Variants in DCAF8L2 observed in about 807,000 individuals in gnomAD.
The protein encoded by DCAF8L2 is DDB1 and CUL4 associated factor 8 like 2, also known as DDB1- and CUL4-associated factor 8-like protein 2.
For synonymous variants in DCAF8L2, 200 were observed against 190.9 expected (o/e 1.05, Z -0.39); for missense variants, 430 against 490.7 (o/e 0.88, Z 1.17).
chrX:27,636,701 G>A (rs933662306), intron 2 of DCAF8L2, among the ~76,000 whole-genome samples: 4 of 111,550 alleles, frequency 3.6e-5, no homozygotes, highest in Non-Finnish European at 7.5e-5. Context: ...ATTACTAGTA[G>A]CTCAAAGAGT....
the DCAF8L2 span, among the ~76,000 whole-genome samples, chrX:27,552,800 A>G: frequency 3.6e-5 from 4 of 111,585 alleles, no homozygotes; most frequent in African/African-American, 9.8e-5. Context: ...TTTTAATTCT[A>G]TTTCTGTGAC....
At position 27,695,956 on chromosome X, in the gene DCAF8L2, A is replaced by C. The variant is rs141524145; in HGVS notation, c.-143+18044A>C. 4.0e-3 allele frequency among the ~76,000 whole-genome samples: 442 copies of C among 110,348 alleles called. 1 individual carries two copies. Among genetic ancestry groups the C allele is most frequent in the African/African-American group, 0.014 (419 of 30,326 alleles). The stretch of plus-strand genomic sequence containing the variant: ...CATCTGTAATCCCAGCACTTTTGGG[A>C]GGCCAAGGCAGACAGATCACTTGAA... On this transcript the variant is annotated intron_variant, in intron 3 of 4. Transcript: ENST00000451261.
At chrX:27,581,024 T>G in the DCAF8L2 span, among the ~76,000 whole-genome samples, 4 of 112,242 alleles carry the variant, frequency 3.6e-5, no homozygotes, top group African/African-American at 6.5e-5. Context: ...TAAAAATTCA[T>G]AAAACATTTT....
At chrX:27,496,528 C>T in the DCAF8L2 span, among the ~76,000 whole-genome samples, 4 of 111,551 alleles carry the variant, frequency 3.6e-5, no homozygotes, top group Non-Finnish European at 5.6e-5. Context: ...TGGCTTCTTT[C>T]GCTTGCATGT....
At chrX:27,533,170 G>GAAAGA in the DCAF8L2 span, among the ~76,000 whole-genome samples, 1 of 12,667 alleles carries the variant, frequency 7.9e-5, no homozygotes, top group African/African-American at 1.8e-4. Context: ...GAGAGAGAAA[G>GAAAGA]AAAGAAAGAA....
intron 1 of DCAF8L2, among the ~76,000 whole-genome samples, chrX:27,626,788 C>G (rs775605408): frequency 8.1e-5 from 9 of 111,384 alleles, no homozygotes; most frequent in Non-Finnish European, 1.3e-4. Flanking sequence ...TTCCTGCTAT[C>G]ATATAGGATT....
At chrX:27,519,047 A>C in the DCAF8L2 span, 1 of 1,020,878 alleles carries the variant, frequency 9.8e-7, no homozygotes, top group Non-Finnish European at 1.4e-6. Context: ...AGGAAGCCTG[A>C]TACTATTGAA....
intron 2 of DCAF8L2, among the ~76,000 whole-genome samples, chrX:27,646,621 C>T (rs1392171152): frequency 9.0e-6 from 1 of 111,146 alleles, no homozygotes; most frequent in Non-Finnish European, 1.9e-5. Context: ...AGTGAACAGA[C>T]AACTTACAGA....
At chrX:27,701,354 T>C (rs1931123558) in intron 3 of DCAF8L2, among the ~76,000 whole-genome samples, 2 of 111,192 alleles carry the variant, frequency 1.8e-5, no homozygotes, top group African/African-American at 6.5e-5. Flanking sequence ...TGTAAGACTT[T>C]AGCAATACTG....
chrX:27,517,269 C>T, the DCAF8L2 span, among the ~76,000 whole-genome samples: 1 of 111,547 alleles, frequency 9.0e-6, no homozygotes, highest in Non-Finnish European at 1.9e-5. Context: ...ATTTTAAACA[C>T]TGCCTGATCT....
At chrX:27,709,319 T>A (rs1161881882) in intron 3 of DCAF8L2, among the ~76,000 whole-genome samples, 3 of 112,886 alleles carry the variant, frequency 2.7e-5, no homozygotes, top group Non-Finnish European at 5.6e-5. Flanking sequence ...GTTTGTATTT[T>A]CCGTACATTT....
At chrX:27,683,229 C>T (rs1185506419) in intron 3 of DCAF8L2, among the ~76,000 whole-genome samples, 1 of 111,721 alleles carries the variant, frequency 9.0e-6, no homozygotes, top group Non-Finnish European at 1.9e-5. Context: ...CCGGTGGTCA[C>T]TGTTGAGAGC....
chrX:27,624,750 G>A (rs12015051), intron 1 of DCAF8L2, among the ~76,000 whole-genome samples: 6,186 of 111,208 alleles, frequency 0.056, 409 homozygotes, highest in African/African-American at 0.19. Context: ...AACAAGCAAC[G>A]GGGAAAGAGT....
At chrX:27,510,855 A>G in the DCAF8L2 span, among the ~76,000 whole-genome samples, 1 of 111,528 alleles carries the variant, frequency 9.0e-6, no homozygotes, top group Non-Finnish European at 1.9e-5. Context: ...AAAGCAAATT[A>G]TGTAAATAGG....
intron 4 of DCAF8L2, among the ~76,000 whole-genome samples, chrX:27,741,046 A>T (rs2147335622): frequency 8.9e-6 from 1 of 112,076 alleles, no homozygotes; most frequent in South Asian, 3.7e-4. Flanking sequence ...GAGAATGGAA[A>T]TATATAAAGT....
chrX:27,583,011 A>G, the DCAF8L2 span, among the ~76,000 whole-genome samples: 2 of 111,701 alleles, frequency 1.8e-5, no homozygotes, highest in Non-Finnish European at 3.8e-5. Context: ...TATTTTTAGT[A>G]TTCATTATTG....
the DCAF8L2 span, among the ~76,000 whole-genome samples, chrX:27,542,643 C>T: frequency 4.6e-4 from 45 of 98,030 alleles, 1 homozygote; most frequent in Admixed American, 3.0e-3. Context: ...CCCGGGTTCA[C>T]GCCATTCTCC....
At chrX:27,599,100 G>C (rs1199796472) in intron 1 of DCAF8L2, among the ~76,000 whole-genome samples, 2 of 109,438 alleles carry the variant, frequency 1.8e-5, no homozygotes, top group Non-Finnish European at 3.8e-5. Context: ...CAATACCCAA[G>C]ATGCGGAAAC....
At chrX:27,568,462 T>C in the DCAF8L2 span, among the ~76,000 whole-genome samples, 1 of 111,881 alleles carries the variant, frequency 8.9e-6, no homozygotes, top group South Asian at 3.7e-4. Flanking sequence ...TTATCTAAAT[T>C]AGTAAGTCAT....
Sources: allele counts gnomAD v4.1 joint callset (sites outside exome capture counted in the v4.1 genomes callset), GRCh38; gene constraint gnomAD v4.1.1; transcripts MANE v1.5; gene names NCBI Gene and HGNC (gene_info 2026-07-23, HGNC 2026-07-21).